GCA: variants seen among roughly 807,000 people sequenced by gnomAD.
GCA encodes grancalcin.
GCA carries 30 observed loss-of-function variants against 32.6 expected under a neutral mutation model. The observed-to-expected ratio is 0.92, with a 90% CI of 0.69 to 1.25. The LOEUF (loss-of-function observed/expected upper bound fraction) is 1.25, where lower values mean the gene tolerates loss of function less well. Ranked by LOEUF, GCA falls within the 50% of genes most tolerant of loss-of-function variation. The probability of loss-of-function intolerance (pLI) is 0.00; values close to 1 mark genes in which losing one functional copy is unlikely to be tolerated. For synonymous variants in GCA, 102 were observed against 84.6 expected (o/e 1.21, Z -1.13); for missense variants, 291 against 266.8 (o/e 1.09, Z -0.63).
intron 1 of GCA, among the ~76,000 whole-genome samples, chr2:162,323,508 C>G (rs952462416): frequency 1.3e-5 from 2 of 151,714 alleles, no homozygotes; most frequent in African/African-American, 4.9e-5. Flanking sequence ...AATGGTAATG[C>G]CTAGGTTTTC....
At chr2:162,318,861 C>G (rs1485398819), upstream of GCA, 1 of 195,350 alleles carries the variant, frequency 5.1e-6, no homozygotes, top group African/African-American at 2.3e-5. Flanking sequence ...CTCTCTGACA[C>G]CAAGACCAAC....
At chr2:162,322,871 T>C (rs539625478) in intron 1 of GCA, among the ~76,000 whole-genome samples, 1 of 151,954 alleles carries the variant, frequency 6.6e-6, no homozygotes, top group South Asian at 2.1e-4. Context: ...TAAACATACA[T>C]GTGCATGTGT....
At chr2:162,352,086 T>G (rs529887648) in intron 2 of GCA, among the ~76,000 whole-genome samples, 1 of 152,284 alleles carries the variant, frequency 6.6e-6, no homozygotes, top group South Asian at 2.1e-4. Context: ...ATGACTCTTA[T>G]GAGATTGTCT....
At chr2:162,325,323 T>C (rs1253045523) in intron 1 of GCA, among the ~76,000 whole-genome samples, 1 of 152,162 alleles carries the variant, frequency 6.6e-6, no homozygotes, top group African/African-American at 2.4e-5. Context: ...TGGGCTTCCC[T>C]GTCTCTATTA....
rs1222006772 is a variant in GCA at position 162,362,804 on chromosome 2, A to G, written c.*2561A>G. On this transcript the variant is annotated 3_prime_UTR_variant, in exon 8 of 8. Coordinates refer to ENST00000437150, the MANE Select transcript of GCA (RefSeq NM_012198.5). ...AGTTTACACATTTTAAATTACATCA[A>G]GGGTAAATCAATAGTATGGAAATCT... 6.6e-6 allele frequency among the ~76,000 whole-genome samples: 1 copy of G among 151,430 alleles called. No homozygotes were observed. The highest frequency in any genetic ancestry group is 2.4e-5 in the African/African-American group (1 of 41,372).
At chr2:162,330,618 G>A (rs1199411569) in intron 1 of GCA, among the ~76,000 whole-genome samples, 1 of 152,186 alleles carries the variant, frequency 6.6e-6, no homozygotes, top group African/African-American at 2.4e-5. Flanking sequence ...GACTTACATG[G>A]AAACCTGTGT....
intron 1 of GCA, among the ~76,000 whole-genome samples, chr2:162,336,515 G>A (rs1386614767): frequency 6.6e-6 from 1 of 151,998 alleles, no homozygotes; most frequent in South Asian, 2.1e-4. Context: ...CTGTTGCTAG[G>A]TAACATCCTC....
At chr2:162,334,978 C>T (rs1339978141) in intron 1 of GCA, among the ~76,000 whole-genome samples, 1 of 152,166 alleles carries the variant, frequency 6.6e-6, no homozygotes, top group African/African-American at 2.4e-5. Context: ...GGTAAAACTG[C>T]TCCTAGATTT....
chr2:162,351,534 A>G (rs956918366), intron 2 of GCA, among the ~76,000 whole-genome samples: 4 of 152,300 alleles, frequency 2.6e-5, no homozygotes, highest in East Asian at 1.9e-4. Flanking sequence ...TCTTTTGCCA[A>G]AAATCCATTA....
chr2:162,360,460 AATATGTGC>A lies in GCA; in HGVS notation c.*222_*229del. On this transcript the variant is annotated 3_prime_UTR_variant, in exon 8 of 8. Coordinates refer to ENST00000437150, the MANE Select transcript of GCA (RefSeq NM_012198.5). ...CTGCTTTTGGAAAAGTTATTTTATAAATATGTGCATATTGTCATAAAATATTGTATGAT... is the reference window on the plus strand; with the variant it reads ...CTGCTTTTGGAAAAGTTATTTTATAAATATTGTCATAAAATATTGTATGAT... 9.6e-7 allele frequency: 1 copy of A among 1,040,628 alleles called. No individual in the cohort carries two copies. 64.5% of individuals were successfully genotyped at this position (1,040,628 alleles called of 1,614,324 possible). A position where few individuals can be genotyped will look rare whatever the true frequency, so the allele number is the denominator to read the frequency against.
At position 162,344,345 on chromosome 2, in the gene GCA, G is replaced by A. The variant is rs1287315981; in HGVS notation, c.27+70G>A. 1.8e-5 allele frequency: 27 copies of A among 1,479,166 alleles called. No homozygotes were observed. In the South Asian group the frequency reaches 2.9e-4, roughly 16 times the overall value. 91.6% of individuals were successfully genotyped at this position (1,479,166 alleles called of 1,614,324 possible). ...TGGCGCCCCCGGGGGCGGTGCCAACGTGCGGGTCCGCCCTTGGCTCCTGCT... is the reference window on the plus strand; with the variant it reads ...TGGCGCCCCCGGGGGCGGTGCCAACATGCGGGTCCGCCCTTGGCTCCTGCT... On this transcript the variant is annotated intron_variant, in intron 1 of 7. Transcript: ENST00000437150.
chr2:162,326,636 C>A (rs1414610714), intron 1 of GCA, among the ~76,000 whole-genome samples: 1 of 152,308 alleles, frequency 6.6e-6, no homozygotes, highest in East Asian at 1.9e-4. Context: ...CCTGCCTCCA[C>A]CTCCCAAGTA....
downstream of GCA, among the ~76,000 whole-genome samples, chr2:162,363,597 G>A (rs1576305934): frequency 1.3e-5 from 2 of 151,484 alleles, no homozygotes; most frequent in East Asian, 3.9e-4. Context: ...AACTTTTCCT[G>A]TAATTTAGAA....
At chr2:162,354,888 G>T (rs142708939) in intron 3 of GCA, among the ~76,000 whole-genome samples, 124 of 152,224 alleles carry the variant, frequency 8.1e-4, no homozygotes, top group Non-Finnish European at 1.5e-3. Context: ...TGAAAAGTCT[G>T]TCTCTCCACT....
downstream of GCA, chr2:162,371,739 C>A: frequency 8.0e-7 from 1 of 1,243,950 alleles, no homozygotes; most frequent in East Asian, 2.4e-5. Context: ...CTTGTGAGCC[C>A]CTGAGTCAAG....
At chr2:162,370,839 C>G (rs1241772935) in intron 4 of GCA, among the ~76,000 whole-genome samples, 2 of 152,040 alleles carry the variant, frequency 1.3e-5, no homozygotes, top group Non-Finnish European at 2.9e-5. Context: ...TCAAGGCCTG[C>G]TGCACTCTTG....
At chr2:162,368,754 A>G (rs1685834354) in intron 4 of GCA, among the ~76,000 whole-genome samples, 1 of 152,018 alleles carries the variant, frequency 6.6e-6, no homozygotes, top group South Asian at 2.1e-4. Flanking sequence ...ATACATTATA[A>G]TGGACTTAAG....
At chr2:162,359,185 A>C (rs750799521) in intron 6 of GCA, 28 bp downstream of exon 6, 12 of 1,167,460 alleles carry the variant, frequency 1.0e-5, no homozygotes. Context: ...CTAAGTGCAC[A>C]GTGTTATGTA....
rs753628932 is a variant in GCA, at chr2:162,361,253, C to A, written c.*1010C>A. 2.0e-6 allele frequency: 2 copies of A among 984,402 alleles called. No individual in the cohort carries two copies. The highest frequency in any genetic ancestry group is 2.4e-6 in the Non-Finnish European group (2 of 829,194). The allele number at this position is 984,402 out of a possible 1,614,324, so 61.0% of individuals were successfully genotyped here. A position where few individuals can be genotyped will look rare whatever the true frequency, so the allele number is the denominator to read the frequency against. ...GTTTTGAGCATAGTAGGCACCACAG[C>A]AACTTTTCTGCGTGGTACTAAAACT... On this transcript the variant is annotated 3_prime_UTR_variant, in exon 8 of 8. Coordinates refer to ENST00000437150, the MANE Select transcript of GCA (RefSeq NM_012198.5).
Sources: allele counts gnomAD v4.1 joint callset (sites outside exome capture counted in the v4.1 genomes callset), GRCh38; gene constraint gnomAD v4.1.1; transcripts MANE v1.5; gene names NCBI Gene and HGNC (gene_info 2026-07-23, HGNC 2026-07-21).